Variants in UGT3A2 observed in about 807,000 individuals in gnomAD.
UGT3A2 encodes UDP glycosyltransferase family 3 member A2.
Under a neutral mutation model 39.8 loss-of-function variants are expected in UGT3A2, and 32 were observed. That is an observed-to-expected ratio of 0.80 (90% CI 0.61 to 1.08). The LOEUF (loss-of-function observed/expected upper bound fraction) is 1.08. Ranked by LOEUF, UGT3A2 falls within the 50% of genes least tolerant of loss-of-function variation. The pLI is 0.00. For missense variants in UGT3A2, 611 were observed against 637.1 expected, an observed-to-expected ratio of 0.96 and a Z score of 0.44; for synonymous variants, 241 against 230.7, an observed-to-expected ratio of 1.04 and a Z score of -0.40.
intron 2 of UGT3A2, among the ~76,000 whole-genome samples, chr5:36,053,961 C>T (rs576579004): frequency 1.3e-5 from 2 of 152,292 alleles, no homozygotes; most frequent in South Asian, 4.1e-4. Context: ...ATTGGCTTCC[C>T]TGGGCCACAT....
intron 4 of UGT3A2, among the ~76,000 whole-genome samples, chr5:36,041,366 A>C (rs193030505): frequency 6.6e-5 from 10 of 152,318 alleles, no homozygotes; most frequent in African/African-American, 2.4e-4. Context: ...TTGACTAAAG[A>C]GCTCTTGAGC....
chr5:36,061,310 C>T (rs892652685), intron 2 of UGT3A2, among the ~76,000 whole-genome samples: 1 of 151,906 alleles, frequency 6.6e-6, no homozygotes. Context: ...TACATACGTA[C>T]ACATGTGCCA....
intron 4 of UGT3A2, among the ~76,000 whole-genome samples, chr5:36,044,562 A>T (rs912050836): frequency 6.6e-6 from 1 of 152,204 alleles, no homozygotes; most frequent in Non-Finnish European, 1.5e-5. Flanking sequence ...AAATTATATA[A>T]TCTTATATTT....
intron 2 of UGT3A2, among the ~76,000 whole-genome samples, chr5:36,060,854 A>G (rs1038820052): frequency 6.6e-6 from 1 of 152,130 alleles, no homozygotes; most frequent in Non-Finnish European, 1.5e-5. Flanking sequence ...TAAAGCCTCT[A>G]AACGGTACAT....
At chr5:36,057,195 T>A (rs1742540378) in intron 2 of UGT3A2, among the ~76,000 whole-genome samples, 1 of 152,208 alleles carries the variant, frequency 6.6e-6, no homozygotes, top group Non-Finnish European at 1.5e-5. Flanking sequence ...AAATAAACAG[T>A]ATGGGAAAGT....
chr5:36,048,129 A>C (rs1742225695), intron 4 of UGT3A2, among the ~76,000 whole-genome samples: 1 of 152,176 alleles, frequency 6.6e-6, no homozygotes, highest in Non-Finnish European at 1.5e-5. Context: ...GTCCTTCTCC[A>C]TTTATAAAAA....
At position 36,049,222 on chromosome 5, in the gene UGT3A2, G is replaced by T. The variant is rs148290056; in HGVS notation, c.510C>A (p.Phe170Leu). ...KPFVAILSTS[F>L]GSLEFGLPIP... ...TTGGTAGCCCAAATTCCAAAGAGCC[G>T]AATGAAGTGGAAAGAATGGCCACAA... is the stretch of plus-strand genomic sequence containing the variant. Residue 170 changes from phenylalanine to leucine, a missense_variant, in exon 4 of 7, where the codon TTC (phenylalanine) becomes TTA (leucine). Phe to Leu is a conservative substitution (Grantham distance 22). Transcript: ENST00000282507. The T allele has an allele frequency of 6.2e-7, 1 of 1,614,086 alleles. No individual in the cohort carries two copies. Among genetic ancestry groups the T allele is most frequent in the Admixed American group, 1.7e-5 (1 of 60,004 alleles).
chr5:36,049,023 A>T lies in UGT3A2; in HGVS notation c.709T>A (p.Leu237Met), dbSNP rs772618521. 1 of 1,614,226 alleles carries T rather than the reference A, an allele frequency of 6.2e-7. No individual in the cohort carries two copies. Among genetic ancestry groups the T allele is most frequent in the Non-Finnish European group, 8.5e-7 (1 of 1,180,042 alleles). The change falls in exon 4 of 7, where the codon TTG becomes ATG. Residue 237 changes from leucine to methionine, a missense_variant. By Grantham distance (15) the Leu-to-Met change is conservative (BLOSUM62 2). Coordinates refer to ENST00000282507, the MANE Select transcript of UGT3A2 (RefSeq NM_174914.4). ...EHFTEGSRPVLSHLLLKAELW... is the reference protein window; with the variant it reads ...EHFTEGSRPVMSHLLLKAELW... ...TCTGCTTTCAGTAGAAGATGAGACA[A>T]AACTGGCCTAGAGCCTTCTGTGAAA...
chr5:36,050,591 C>T (rs1376779380), intron 3 of UGT3A2, among the ~76,000 whole-genome samples: 1 of 152,154 alleles, frequency 6.6e-6, no homozygotes, highest in Non-Finnish European at 1.5e-5. Flanking sequence ...GGGCTGGGTG[C>T]GGTGGCTCAC....
intron 3 of UGT3A2, 46 bp downstream of exon 3, chr5:36,051,824 T>G: frequency 7.2e-7 from 1 of 1,382,682 alleles, no homozygotes; most frequent in South Asian, 1.3e-5. Flanking sequence ...CCATTTGTAT[T>G]ATGAAAATGG....
intron 2 of UGT3A2, among the ~76,000 whole-genome samples, chr5:36,055,778 C>T (rs554715294): frequency 1.6e-3 from 247 of 152,302 alleles, no homozygotes; most frequent in African/African-American, 5.8e-3. Flanking sequence ...TATTCCTTTT[C>T]CTTTTCATTT....
chr5:36,053,565 A>AT (rs1387480008), intron 2 of UGT3A2, among the ~76,000 whole-genome samples: 1 of 152,164 alleles, frequency 6.6e-6, no homozygotes, highest in Non-Finnish European at 1.5e-5. Context: ...CTGCACTGTA[A>AT]AGGCTTTAGC....
At chr5:36,061,487 G>A (rs1387864186) in intron 2 of UGT3A2, among the ~76,000 whole-genome samples, 19 of 149,280 alleles carry the variant, frequency 1.3e-4, no homozygotes, top group Non-Finnish European at 2.1e-4. Context: ...GAGAATATGC[G>A]GTGTTTGGTT....
intron 2 of UGT3A2, among the ~76,000 whole-genome samples, chr5:36,055,296 A>C (rs998515375): frequency 2.0e-5 from 3 of 151,780 alleles, no homozygotes; most frequent in African/African-American, 7.3e-5. Context: ...TGCATGGCAC[A>C]ATCTTGGCTC....
chr5:36,041,304 A>G (rs115859189), intron 4 of UGT3A2, among the ~76,000 whole-genome samples: 2,105 of 151,546 alleles, frequency 0.014, 33 homozygotes, highest in African/African-American at 0.049. Flanking sequence ...GGACAGAAGG[A>G]AACCTGCTGC....
chr5:36,050,476 T>C (rs1459951357), intron 3 of UGT3A2, among the ~76,000 whole-genome samples: 1 of 152,250 alleles, frequency 6.6e-6, no homozygotes, highest in Non-Finnish European at 1.5e-5. Context: ...AGAAGGTCCC[T>C]CACTAGTGAT....
chr5:36,041,804 C>A (rs570546727), intron 4 of UGT3A2, among the ~76,000 whole-genome samples: 3 of 152,200 alleles, frequency 2.0e-5, no homozygotes, highest in African/African-American at 7.2e-5. Flanking sequence ...GCCCAGACTG[C>A]AAAGATTAGA....
intron 4 of UGT3A2, among the ~76,000 whole-genome samples, chr5:36,043,845 G>A (rs904658227): frequency 3.9e-5 from 6 of 151,978 alleles, no homozygotes; most frequent in Admixed American, 6.6e-5. Context: ...AACAAGTAAC[G>A]AGACTAAAGT....
intron 6 of UGT3A2, among the ~76,000 whole-genome samples, chr5:36,036,559 C>T (rs1031069250): frequency 6.6e-6 from 1 of 152,220 alleles, no homozygotes; most frequent in African/African-American, 2.4e-5. Flanking sequence ...TGTACAATGT[C>T]TGAGGACCAT....
Sources: gnomAD v4.1 joint callset for allele counts (sites outside exome capture counted in the v4.1 genomes callset) on GRCh38, gnomAD v4.1.1 for gene constraint, MANE v1.5 for transcripts, NCBI Gene and HGNC (gene_info 2026-07-23, HGNC 2026-07-21) for gene names.